The following UBE2R2 variants were observed in gnomAD, a reference collection of about 807,000 sequenced individuals.
The protein encoded by UBE2R2 is ubiquitin conjugating enzyme E2 R2.
Under a neutral mutation model 27.8 loss-of-function variants are expected in UBE2R2, and 1 was observed. That is an observed-to-expected ratio of 0.04 (90% confidence interval 0.01 to 0.17). The LOEUF is 0.17. UBE2R2 is among the 10% of genes least tolerant of loss of function. The pLI, the probability that UBE2R2 is intolerant of heterozygous loss-of-function variation, is 1.00. For missense variants in UBE2R2, 100 were observed against 291.0 expected, an observed-to-expected ratio of 0.34 and a Z score of 4.78; for synonymous variants, 106 against 113.3, an observed-to-expected ratio of 0.94 and a Z score of 0.41.
chr9:33,890,075 A>G (rs1821944563), intron 2 of UBE2R2, among the ~76,000 whole-genome samples: 1 of 152,240 alleles, frequency 6.6e-6, no homozygotes, highest in South Asian at 2.1e-4. Context: ...AAAATAGGAT[A>G]AAGGAGTCAA....
chr9:33,886,997 G>C, intron 2 of UBE2R2, 30 bp downstream of exon 2: 1 of 1,556,240 alleles, frequency 6.4e-7, no homozygotes, highest in Non-Finnish European at 8.7e-7. Context: ...AAATTTCTCT[G>C]AAGATTTTTT....
intron 4 of UBE2R2, among the ~76,000 whole-genome samples, chr9:33,916,245 G>T (rs2130826165): frequency 6.6e-6 from 1 of 152,248 alleles, no homozygotes; most frequent in South Asian, 2.1e-4. Flanking sequence ...GGAGGCTGAG[G>T]CAGGAGAATT....
intron 1 of UBE2R2, among the ~76,000 whole-genome samples, chr9:33,857,107 G>A (rs1403055017): frequency 1.3e-5 from 2 of 151,618 alleles, no homozygotes; most frequent in Non-Finnish European, 1.5e-5. Flanking sequence ...GTGTTGGCAG[G>A]CTGGTCTCTA....
chr9:33,887,105 AAC>A lies in UBE2R2; in HGVS notation c.264+140_264+141del, dbSNP rs1821877237. The A allele has an allele frequency of 1.5e-5, 10 of 686,554 alleles. No homozygotes were observed. In the East Asian group the frequency reaches 2.9e-4, roughly 20 times the overall value. 42.5% of individuals were successfully genotyped at this position (686,554 alleles called of 1,614,324 possible). A position where few individuals can be genotyped will look rare whatever the true frequency, so the allele number is the denominator to read the frequency against. ...ATATTAATGATTTTGCACTTCAGTT[AAC>A]AGTTTCTGGATTAATTATTTAACAT... On this transcript the variant is annotated intron_variant, in intron 2 of 4. Transcript: ENST00000263228.
At chr9:33,870,329 G>C (rs1821459587) in intron 1 of UBE2R2, among the ~76,000 whole-genome samples, 2 of 152,236 alleles carry the variant, frequency 1.3e-5, no homozygotes, top group African/African-American at 4.8e-5. Flanking sequence ...TTTTAGTAGA[G>C]ATGGGGTTTC....
At chr9:33,863,204 A>G (rs534772180) in intron 1 of UBE2R2, among the ~76,000 whole-genome samples, 191 of 145,332 alleles carry the variant, frequency 1.3e-3, no homozygotes, top group Middle Eastern at 3.5e-3. Context: ...AAAAAAAAAA[A>G]GAAGAAGAAA....
chr9:33,893,145 A>G (rs1480751394), intron 2 of UBE2R2, among the ~76,000 whole-genome samples: 1 of 152,210 alleles, frequency 6.6e-6, no homozygotes, highest in Non-Finnish European at 1.5e-5. Flanking sequence ...TTGTACAACT[A>G]TTAATACCTC....
chr9:33,886,991 T>C (rs1821873456), intron 2 of UBE2R2, 24 bp downstream of exon 2: 1 of 1,566,524 alleles, frequency 6.4e-7, no homozygotes. Flanking sequence ...CATCATAAAT[T>C]TCTCTGAAGA....
intron 1 of UBE2R2, among the ~76,000 whole-genome samples, chr9:33,873,174 TAAAA>T (rs540364601): frequency 3.8e-4 from 42 of 109,184 alleles, no homozygotes; most frequent in Admixed American, 6.5e-4. Context: ...GACTCCGTCT[TAAAA>T]AAAAAAAAAA....
chr9:33,824,099 A>C (rs1820240231), intron 1 of UBE2R2, among the ~76,000 whole-genome samples: 1 of 152,230 alleles, frequency 6.6e-6, no homozygotes, highest in South Asian at 2.1e-4. Context: ...TTTTCAAACC[A>C]AATATGATGC....
intron 1 of UBE2R2, among the ~76,000 whole-genome samples, chr9:33,885,371 A>G (rs1165798201): frequency 1.3e-5 from 2 of 152,136 alleles, no homozygotes; most frequent in Admixed American, 6.5e-5. Context: ...TGTATTTTCC[A>G]CTGCCTCAGG....
intron 3 of UBE2R2, among the ~76,000 whole-genome samples, chr9:33,902,620 G>C (rs891887300): frequency 3.3e-5 from 5 of 152,168 alleles, no homozygotes; most frequent in African/African-American, 1.2e-4. Flanking sequence ...ACCAGTTCAA[G>C]TAGTACATAA....
chr9:33,852,514 T>C (rs1333966049), intron 1 of UBE2R2, among the ~76,000 whole-genome samples: 1 of 152,156 alleles, frequency 6.6e-6, no homozygotes, highest in Non-Finnish European at 1.5e-5. Flanking sequence ...GGTTAGTTGA[T>C]GCCAAGTTCT....
At chr9:33,882,016 G>A (rs1263590691) in intron 1 of UBE2R2, among the ~76,000 whole-genome samples, 1 of 152,128 alleles carries the variant, frequency 6.6e-6, no homozygotes, top group East Asian at 1.9e-4. Flanking sequence ...ATACTTATCA[G>A]TATGTACTCA....
At chr9:33,895,203 A>G (rs1490404030) in intron 2 of UBE2R2, among the ~76,000 whole-genome samples, 2 of 152,154 alleles carry the variant, frequency 1.3e-5, no homozygotes, top group Non-Finnish European at 2.9e-5. Flanking sequence ...CAAGTCTTTG[A>G]TCTATTTTCA....
At chr9:33,873,952 T>TC (rs1715709753) in intron 1 of UBE2R2, among the ~76,000 whole-genome samples, 1 of 65,750 alleles carries the variant, frequency 1.5e-5, no homozygotes, top group African/African-American at 8.6e-5. Context: ...TGGCCTAAAT[T>TC]TTTTTTTTTT....
At chr9:33,863,528 CAA>C (rs531271065) in intron 1 of UBE2R2, among the ~76,000 whole-genome samples, 4 of 121,380 alleles carry the variant, frequency 3.3e-5, no homozygotes, top group Non-Finnish European at 3.6e-5. Context: ...CTCCAAAAAA[CAA>C]AAAAAAAAAA....
chr9:33,855,517 A>G (rs1233497334), intron 1 of UBE2R2, among the ~76,000 whole-genome samples: 1 of 152,150 alleles, frequency 6.6e-6, no homozygotes, highest in African/African-American at 2.4e-5. Flanking sequence ...TATTGGGGAA[A>G]TAATGGAAAT....
intron 4 of UBE2R2, 118 bp from the exon 5 acceptor site, chr9:33,916,900 G>A: frequency 7.0e-7 from 1 of 1,433,776 alleles, no homozygotes; most frequent in Non-Finnish European, 9.3e-7. Context: ...ATGCTTTCAG[G>A]CAGGTACTGA....
Sources: allele counts gnomAD v4.1 joint callset (sites outside exome capture counted in the v4.1 genomes callset), GRCh38; gene constraint gnomAD v4.1.1; transcripts MANE v1.5; gene names NCBI Gene and HGNC (gene_info 2026-07-23, HGNC 2026-07-21).